The following ABHD15 variants were observed in gnomAD, a reference collection of about 807,000 sequenced individuals.
ABHD15 encodes the protein abhydrolase domain containing 15, also known as protein ABHD15.
ABHD15 carries 34 observed loss-of-function variants against 34.4 expected under a neutral mutation model. The observed-to-expected ratio is 0.99, with a 90% CI of 0.75 to 1.32. The LOEUF (loss-of-function observed/expected upper bound fraction) is 1.32. Ranked by LOEUF, ABHD15 falls within the 40% of genes most tolerant of loss-of-function variation. The probability of loss-of-function intolerance (pLI) is 0.00; values close to 1 mark genes in which losing one functional copy is unlikely to be tolerated. For synonymous variants in ABHD15, 314 were observed against 299.2 expected, an observed-to-expected ratio of 1.05 and a Z score of -0.51; for missense variants, 644 against 650.4, an observed-to-expected ratio of 0.99 and a Z score of 0.11.
rs887253447 is a variant in ABHD15, at chr17:29,566,909, G to C, written c.58C>G (p.Leu20Val). ...LILAVLALLGLLGPRLRGPWG... is the reference protein window; with the variant it reads ...LILAVLALLGVLGPRLRGPWG... ...GGTCCCCGGAGCCGCGGGCCGAGCA[G>C]GCCGAGAAGGGCGAGCACGGCCAAG... The change falls in exon 1 of 2, where the codon CTG becomes GTG. Residue 20 changes from leucine (L) to valine (V), a missense_variant. Coordinates refer to ENST00000307201, the MANE Select transcript of ABHD15 (RefSeq NM_198147.3). The C allele has an allele frequency of 6.7e-7, 1 of 1,488,348 alleles. No homozygotes were observed. Among genetic ancestry groups the C allele is most frequent in the South Asian group, 1.3e-5 (1 of 79,126 alleles). 92.2% of individuals were successfully genotyped at this position (1,488,348 alleles called of 1,614,324 possible).
In ABHD15 at chr17:29,561,155, T is replaced by A. The variant is rs1390023371; in HGVS notation, c.*1406A>T. On this transcript the variant is annotated 3_prime_UTR_variant, in exon 2 of 2. Coordinates refer to ENST00000307201, the MANE Select transcript of ABHD15 (RefSeq NM_198147.3). ...CTTATACCAAGTCTTGGAATGTGGG[T>A]TTTCGTATAAGCAGCTCTCTTCTTT... 6.6e-6 allele frequency: 1 copy of A among 152,120 alleles called. No homozygotes were observed. Among genetic ancestry groups the A allele is most frequent in the Non-Finnish European group, 1.5e-5 (1 of 68,018 alleles). The allele number at this position is 152,120 out of a possible 1,614,324, so 9.4% of individuals were successfully genotyped here. A position where few individuals can be genotyped will look rare whatever the true frequency, so the allele number is the denominator to read the frequency against.
intron 1 of ABHD15, among the ~76,000 whole-genome samples, chr17:29,564,092 T>G (rs1163112044): frequency 6.6e-6 from 1 of 152,214 alleles, no homozygotes; most frequent in Non-Finnish European, 1.5e-5. Flanking sequence ...TCACAGCTGC[T>G]GACAGTTCTC....
Position 29,566,530 on chromosome 17 carries a change from C to G in ABHD15, c.437G>C (p.Arg146Pro). ...CCCGGCGCTGGTGATCCGGCGGCCC[C>G]GAACACAAGGTCCTACCACCCAGTC... ...ALDWVVGPCV[R>P]GRRITSAGGL... The change falls in exon 1 of 2, where the codon CGG becomes CCG. Residue 146 changes from arginine (R) to proline (P), a missense_variant. Arg to Pro is a moderately radical substitution (Grantham distance 103). Coordinates refer to ENST00000307201, the MANE Select transcript of ABHD15 (RefSeq NM_198147.3). The G allele has an allele frequency of 6.2e-7, 1 of 1,610,770 alleles. No homozygotes were observed. Among genetic ancestry groups the G allele is most frequent in the South Asian group, 1.1e-5 (1 of 90,986 alleles).
In ABHD15 at chr17:29,563,946, A is replaced by T. The variant is rs548780405; in HGVS notation, c.882-860T>A. On this transcript the variant is annotated intron_variant, in intron 1 of 1. Coordinates refer to ENST00000307201, the MANE Select transcript of ABHD15 (RefSeq NM_198147.3). ...GTCTGGCTTCTCTAGGGAAGTGGGAAGATCCAGCCACATGGGTGGGCATTT... is the reference window on the plus strand; with the variant it reads ...GTCTGGCTTCTCTAGGGAAGTGGGATGATCCAGCCACATGGGTGGGCATTT... Among the ~76,000 whole-genome samples, 7 of 152,384 alleles carry T rather than the reference A, an allele frequency of 4.6e-5. No individual in the cohort carries two copies. In the South Asian group the frequency reaches 1.4e-3, roughly 32 times the overall value.
Position 29,562,904 on chromosome 17 carries a change from A to G in ABHD15, c.1064T>C (p.Ile355Thr). 5.6e-6 allele frequency: 9 copies of G among 1,614,146 alleles called. No individual in the cohort carries two copies. The highest frequency in any genetic ancestry group is 7.6e-6 in the Non-Finnish European group (9 of 1,180,048). Residue 355 changes from isoleucine (I) to threonine (T), a missense_variant, in exon 2 of 2, where the codon ATC (isoleucine) becomes ACC (threonine). Ile to Thr is a moderately conservative substitution (Grantham distance 89). Transcript: ENST00000307201. Reference sequence around the variant, plus strand: ...ACACACGGGGTCGTCAGCACTGCAGATACACAGCACAGGCACGGCTGCCTC... The same window carrying G: ...ACACACGGGGTCGTCAGCACTGCAGGTACACAGCACAGGCACGGCTGCCTC... ...VDEAAVPVLC[I>T]CSADDPVCGP...
At chr17:29,565,192 G>A (rs548767668) in intron 1 of ABHD15, among the ~76,000 whole-genome samples, 3 of 152,132 alleles carry the variant, frequency 2.0e-5, no homozygotes, top group African/African-American at 7.2e-5. Context: ...CCAGGAGGTG[G>A]AGGTTACAGT....
In ABHD15 at chr17:29,561,097, T is replaced by C. The variant is rs562110096; in HGVS notation, c.*1464A>G. 2 of 152,340 alleles carry C rather than the reference T, an allele frequency of 1.3e-5. No homozygotes were observed. The highest frequency in any genetic ancestry group is 3.9e-4 in the East Asian group (2 of 5,192). The allele number at this position is 152,340 out of a possible 1,614,324, so 9.4% of individuals were successfully genotyped here. ...CAAGATCTAGAATCTGGGGCAAGATTATCCAAACCTGAAATCAAGGCCTCA... is the reference window on the plus strand; with the variant it reads ...CAAGATCTAGAATCTGGGGCAAGATCATCCAAACCTGAAATCAAGGCCTCA... On this transcript the variant is annotated 3_prime_UTR_variant, in exon 2 of 2. Coordinates refer to ENST00000307201, the MANE Select transcript of ABHD15 (RefSeq NM_198147.3).
At position 29,566,500 on chromosome 17, in the gene ABHD15, AGGCCCCCGGCGCTGGTGATCCGGC is replaced by A. The variant is rs779803580; in HGVS notation, c.443_466del (p.Arg148_Gly155del). 1 of 1,611,514 alleles carries A rather than the reference AGGCCCCCGGCGCTGGTGATCCGGC, an allele frequency of 6.2e-7. No individual in the cohort carries two copies. Among genetic ancestry groups the A allele is most frequent in the East Asian group, 2.2e-5 (1 of 44,880 alleles). Reference sequence around the variant, plus strand: ...GGGGATCACCAGAAGCACCGCAGGAAGGCCCCCGGCGCTGGTGATCCGGCGGCCCCGAACACAAGGTCCTACCAC... The same window carrying A: ...GGGGATCACCAGAAGCACCGCAGGAAGGCCCCGAACACAAGGTCCTACCAC... On this transcript the variant is annotated inframe_deletion, in exon 1 of 2. Transcript: ENST00000307201.
In ABHD15 at chr17:29,562,980, T is replaced by TG. The variant is rs1267734966; in HGVS notation, c.987dup (p.Ile330HisfsTer18). 1.2e-6 allele frequency: 2 copies of TG among 1,613,698 alleles called. No individual in the cohort carries two copies. The highest frequency in any genetic ancestry group is 1.7e-6 in the Non-Finnish European group (2 of 1,180,022). On this transcript the variant is annotated frameshift_variant, in exon 2 of 2. Transcript: ENST00000307201. LOFTEE classifies it high-confidence loss of function. ...CGGTCCCAGTAGGTATCCCAGCTGA[T>TG]GGGGAAGCTTTTGGTGTGGCAGAAG...
rs747097784 is a variant in ABHD15, at chr17:29,566,332, G to A, written c.635C>T (p.Pro212Leu). The change falls in exon 1 of 2, where the codon CCG (proline) becomes CTG (leucine). Residue 212 changes from proline (P) to leucine (L), a missense_variant. Physicochemically the swap from Pro to Leu is moderately conservative, Grantham distance 98. Coordinates refer to ENST00000307201, the MANE Select transcript of ABHD15 (RefSeq NM_198147.3). ...TGTGACCGCCTCCTTGAGGTCGGACGGGTCCCCGAAAGGCTGCAGCCGGGG... is the reference window on the plus strand; with the variant it reads ...TGTGACCGCCTCCTTGAGGTCGGACAGGTCCCCGAAAGGCTGCAGCCGGGG... The part of the protein sequence containing the change: ...VSPRLQPFGD[P>L]SDLKEAVTYI... 9.3e-6 allele frequency: 15 copies of A among 1,611,308 alleles called. No homozygotes were observed. Among genetic ancestry groups the A allele is most frequent in the Non-Finnish European group, 1.3e-5 (15 of 1,178,884 alleles).
chr17:29,565,821 A>G (rs935717605), intron 1 of ABHD15, among the ~76,000 whole-genome samples: 2 of 152,222 alleles, frequency 1.3e-5, no homozygotes, highest in Non-Finnish European at 2.9e-5. Flanking sequence ...AGGATACAGC[A>G]GGGGGTGCCG....
Position 29,562,988 on chromosome 17 carries a change from CT to C in ABHD15, c.979del (p.Ser327AlafsTer44). On this transcript the variant is annotated frameshift_variant, in exon 2 of 2. Coordinates refer to ENST00000307201, the MANE Select transcript of ABHD15 (RefSeq NM_198147.3). LOFTEE classifies it high-confidence loss of function. Reference sequence around the variant, plus strand: ...GTAGGTATCCCAGCTGATGGGGAAGCTTTTGGTGTGGCAGAAGAGAGCCTCC... The same window carrying C: ...GTAGGTATCCCAGCTGATGGGGAAGCTTTGGTGTGGCAGAAGAGAGCCTCC... ...FEEALFCHTK[S>X]FPISWDTYWD... 2 of 1,613,746 alleles carry C rather than the reference CT, an allele frequency of 1.2e-6. No homozygotes were observed. The highest frequency in any genetic ancestry group is 1.7e-6 in the Non-Finnish European group (2 of 1,180,026).
chr17:29,565,207 C>T (rs1331768076), intron 1 of ABHD15, among the ~76,000 whole-genome samples: 2 of 151,414 alleles, frequency 1.3e-5, no homozygotes, highest in Non-Finnish European at 1.5e-5. Flanking sequence ...TACAGTGAGC[C>T]GAGATCATGT....
In ABHD15 at chr17:29,562,792, A is replaced by G. The variant is rs779319845; in HGVS notation, c.1176T>C (p.Cys392=). The G allele has an allele frequency of 4.3e-6, 7 of 1,613,460 alleles. No individual in the cohort carries two copies. The highest frequency in any genetic ancestry group is 2.2e-5 in the East Asian group (1 of 44,848). Residue 392 remains cysteine (C), a synonymous_variant, in exon 2 of 2, where the codon TGT becomes TGC. Transcript: ENST00000307201. ...GCAAGGGCTCCTGGCGCAGGAAGCCACAGTGGCCTCCGTGGCGACTGAGCA... is the reference window on the plus strand; with the variant it reads ...GCAAGGGCTCCTGGCGCAGGAAGCCGCAGTGGCCTCCGTGGCGACTGAGCA... The part of the protein sequence containing the change: ...FLLLSRHGGH[C]GFLRQEPLPA...
chr17:29,566,181 G>GA lies in ABHD15; in HGVS notation c.785dup (p.Ser263LeufsTer56). 1 of 1,609,652 alleles carries GA rather than the reference G, an allele frequency of 6.2e-7. No individual in the cohort carries two copies. On this transcript the variant is annotated frameshift_variant, in exon 1 of 2. Coordinates refer to ENST00000307201, the MANE Select transcript of ABHD15 (RefSeq NM_198147.3). LOFTEE classifies it high-confidence loss of function. ...ACTCTCGGCAGCGCAGCACGGGCGA[G>GA]ATGCAGGCGGCGCCTGTCACGTAGC...
intron 1 of ABHD15, 147 bp downstream of exon 1, chr17:29,565,939 G>C: frequency 2.7e-6 from 3 of 1,092,132 alleles, no homozygotes; most frequent in Non-Finnish European, 3.8e-6. Flanking sequence ...TAGATTACAG[G>C]GTTTGGAAGG....
rs765126204 is a variant in ABHD15 at position 29,566,503 on chromosome 17, C to T, written c.464G>A (p.Gly155Asp). ...VRGRRITSAG[G>D]LPAVLLVIPN... ...GATCACCAGAAGCACCGCAGGAAGG[C>T]CCCCGGCGCTGGTGATCCGGCGGCC... Residue 155 changes from glycine to aspartate, a missense_variant, in exon 1 of 2, where the codon GGC becomes GAC. By Grantham distance (94) the Gly-to-Asp change is moderately conservative. Transcript: ENST00000307201. 4 of 1,610,720 alleles carry T rather than the reference C, an allele frequency of 2.5e-6. No individual in the cohort carries two copies. In the East Asian group the frequency reaches 8.9e-5, roughly 36 times the overall value.
rs761753793 is a variant in ABHD15, at chr17:29,562,834, G to A, written c.1134C>T (p.Asn378=). 1.2e-6 allele frequency: 2 copies of A among 1,613,762 alleles called. No homozygotes were observed. Among genetic ancestry groups the A allele is most frequent in the South Asian group, 1.1e-5 (1 of 91,076 alleles). ...GACTGAGCAGGAGGAAGAAGTAGGGGTTGCTGTGGAAGAGTTCAGTTGTCA... is the reference window on the plus strand; with the variant it reads ...GACTGAGCAGGAGGAAGAAGTAGGGATTGCTGTGGAAGAGTTCAGTTGTCA... ...HTLTTELFHS[N]PYFFLLLSRH... is the part of the protein sequence containing the mutation. The change falls in exon 2 of 2, where the codon AAC becomes AAT. Residue 378 remains asparagine, a synonymous_variant. Transcript: ENST00000307201.
At chr17:29,565,215 T>G (rs989761298) in intron 1 of ABHD15, among the ~76,000 whole-genome samples, 8 of 151,858 alleles carry the variant, frequency 5.3e-5, no homozygotes, top group African/African-American at 1.7e-4. Flanking sequence ...GCCGAGATCA[T>G]GTCACTACAC....
Sources: gnomAD v4.1 joint callset for allele counts (sites outside exome capture counted in the v4.1 genomes callset) on GRCh38, gnomAD v4.1.1 for gene constraint, MANE v1.5 for transcripts, NCBI Gene and HGNC (gene_info 2026-07-23, HGNC 2026-07-21) for gene names.